PLXDC2: variants seen among roughly 807,000 people sequenced by gnomAD.
PLXDC2 encodes plexin domain containing 2.
Under a neutral mutation model 68.9 loss-of-function variants are expected in PLXDC2, and 40 were observed. The observed-to-expected ratio is 0.58, with a 90% CI of 0.45 to 0.76. The LOEUF (loss-of-function observed/expected upper bound fraction) is 0.76, where lower values mean the gene tolerates loss of function less well. Among genes scored for constraint, PLXDC2 ranks in the 30% least tolerant of loss-of-function variants. PLXDC2 has a pLI of 0.00. For synonymous variants in PLXDC2, 243 were observed against 234.2 expected (o/e 1.04, Z -0.34); for missense variants, 644 against 661.9 (o/e 0.97, Z 0.30).
At position 19,897,093 on chromosome 10, in the gene PLXDC2, T is replaced by C. The variant is rs1426447562; in HGVS notation, c.112+79902T>C. ...GTTTCTGCCCTCAGGAGTTTTACAC[T>C]CTTTTCTTATCAGCAAAGCTCTTTT... On this transcript the variant is annotated intron_variant, in intron 1 of 13. Coordinates refer to ENST00000377252, the MANE Select transcript of PLXDC2 (RefSeq NM_032812.9). Among the ~76,000 whole-genome samples, 4 of 152,230 alleles carry C rather than the reference T, an allele frequency of 2.6e-5. No homozygotes were observed. In the South Asian group the frequency reaches 8.3e-4, roughly 31 times the overall value.
intron 1 of PLXDC2, among the ~76,000 whole-genome samples, chr10:19,941,036 G>A (rs539952038): frequency 4.6e-5 from 7 of 152,244 alleles, no homozygotes; most frequent in Non-Finnish European, 1.0e-4. Flanking sequence ...ATTCAAATAG[G>A]ATTTGATTAA....
At chr10:19,997,044 G>A (rs1407826816) in intron 1 of PLXDC2, among the ~76,000 whole-genome samples, 1 of 152,146 alleles carries the variant, frequency 6.6e-6, no homozygotes, top group Non-Finnish European at 1.5e-5. Flanking sequence ...TAGAATATGA[G>A]GCAAAGTTCA....
chr10:20,121,049 G>C (rs1183398302), intron 4 of PLXDC2, among the ~76,000 whole-genome samples: 1 of 152,196 alleles, frequency 6.6e-6, no homozygotes, highest in Admixed American at 6.5e-5. Flanking sequence ...TGGGAGGCCG[G>C]ATTGAAGTCC....
intron 1 of PLXDC2, among the ~76,000 whole-genome samples, chr10:19,821,023 C>T (rs546021920): frequency 2.0e-5 from 3 of 151,978 alleles, no homozygotes; most frequent in African/African-American, 7.2e-5. Flanking sequence ...GAGATAGCAG[C>T]GAGCCGAGAT....
chr10:19,959,541 A>G (rs949824737), intron 1 of PLXDC2, among the ~76,000 whole-genome samples: 8 of 152,340 alleles, frequency 5.3e-5, no homozygotes, highest in Non-Finnish European at 8.8e-5. Flanking sequence ...TTAAGAGTTC[A>G]TATCTTAATT....
In PLXDC2 at chr10:19,899,822, T is replaced by C. The variant is rs193081761; in HGVS notation, c.112+82631T>C. 3.0e-4 allele frequency among the ~76,000 whole-genome samples: 45 copies of C among 152,256 alleles called. No individual in the cohort carries two copies. In the East Asian group the frequency reaches 6.6e-3, roughly 22 times the overall value. On this transcript the variant is annotated intron_variant, in intron 1 of 13. Coordinates refer to ENST00000377252, the MANE Select transcript of PLXDC2 (RefSeq NM_032812.9). ...ACCTTTATGTGTTCATGATATGAAA[T>C]GGGTTAATTTGAGTATTTTTTATTA...
chr10:19,875,112 C>T (rs1460290478), intron 1 of PLXDC2, among the ~76,000 whole-genome samples: 1 of 152,160 alleles, frequency 6.6e-6, no homozygotes, highest in East Asian at 1.9e-4. Flanking sequence ...GCATGCAAAG[C>T]AGTTCGTAGG....
intron 3 of PLXDC2, 38 bp from the exon 4 acceptor site, chr10:20,068,132 A>G: frequency 1.3e-6 from 2 of 1,540,716 alleles, no homozygotes; most frequent in Non-Finnish European, 1.8e-6. Flanking sequence ...ACTATGCTAC[A>G]CATTATTGAT....
intron 1 of PLXDC2, among the ~76,000 whole-genome samples, chr10:19,988,887 C>T (rs1012502695): frequency 6.8e-6 from 1 of 147,200 alleles, no homozygotes; most frequent in Non-Finnish European, 1.5e-5. Context: ...CCTCCGCCTC[C>T]CCCGTTCAGG....
chr10:20,225,884 TAAG>T (rs1835279559), intron 12 of PLXDC2, among the ~76,000 whole-genome samples: 1 of 152,204 alleles, frequency 6.6e-6, no homozygotes, highest in East Asian at 1.9e-4. Context: ...GCATAAATAT[TAAG>T]AACCCTCAGA....
chr10:20,137,316 C>G (rs749532787), intron 4 of PLXDC2, among the ~76,000 whole-genome samples: 11 of 152,190 alleles, frequency 7.2e-5, no homozygotes, highest in Non-Finnish European at 1.3e-4. Context: ...ATGATATTGA[C>G]TGTTACACTC....
chr10:19,831,785 C>T (rs935629203), intron 1 of PLXDC2, among the ~76,000 whole-genome samples: 1 of 152,144 alleles, frequency 6.6e-6, no homozygotes, highest in South Asian at 2.1e-4. Flanking sequence ...GCATAATATT[C>T]CCTAGTGTAT....
At chr10:20,018,159 C>T (rs1054538829) in intron 2 of PLXDC2, among the ~76,000 whole-genome samples, 4 of 152,150 alleles carry the variant, frequency 2.6e-5, no homozygotes, top group Admixed American at 6.5e-5. Context: ...CTCCAGTGGG[C>T]CCCCAGTTGC....
chr10:20,132,830 A>G (rs1050254909), intron 4 of PLXDC2, among the ~76,000 whole-genome samples: 2 of 151,670 alleles, frequency 1.3e-5, no homozygotes, highest in Non-Finnish European at 2.9e-5. Flanking sequence ...TAATCCATAC[A>G]TTTAAAGTAA....
rs755695818 is a variant in PLXDC2, at chr10:19,817,243, TC to T, written c.112+53del. ...GATTTTGTGCGCAGCTGAAGACCTC[TC>T]TGGCACTCTCGTGCTCCCTACCCTC... On this transcript the variant is annotated intron_variant, in intron 1 of 13. Coordinates refer to ENST00000377252, the MANE Select transcript of PLXDC2 (RefSeq NM_032812.9). The T allele has an allele frequency of 1.8e-5, 25 of 1,412,324 alleles. 1 individual carries two copies. The South Asian group carries it at 3.1e-4, about 17-fold the overall frequency. The allele number at this position is 1,412,324 out of a possible 1,614,324, so 87.5% of individuals were successfully genotyped here.
intron 1 of PLXDC2, among the ~76,000 whole-genome samples, chr10:19,928,914 C>G (rs974166032): frequency 6.6e-6 from 1 of 151,708 alleles, no homozygotes; most frequent in Admixed American, 6.6e-5. Flanking sequence ...GCCACCATGT[C>G]CAGCTAATTT....
At chr10:20,073,737 G>T (rs1019289708) in intron 4 of PLXDC2, among the ~76,000 whole-genome samples, 2 of 152,040 alleles carry the variant, frequency 1.3e-5, no homozygotes, top group African/African-American at 4.8e-5. Context: ...CATCAAAACA[G>T]TTTCATTAGT....
chr10:19,983,867 G>C (rs1834593888), intron 1 of PLXDC2, among the ~76,000 whole-genome samples: 1 of 152,126 alleles, frequency 6.6e-6, no homozygotes, highest in Non-Finnish European at 1.5e-5. Flanking sequence ...CCTCAGGTGA[G>C]TCCTGGGCAT....
rs201792362 is a variant in PLXDC2, at chr10:20,126,817, C to CATA, written c.542-16477_542-16475dup. ...ACACACGTTATATATGTATATATAACATATATGTGTATATATAATATATGA... is the reference window on the plus strand; with the variant it reads ...ACACACGTTATATATGTATATATAACATAATATATGTGTATATATAATATATGA... On this transcript the variant is annotated intron_variant, in intron 4 of 13. Coordinates refer to ENST00000377252, the MANE Select transcript of PLXDC2 (RefSeq NM_032812.9). 3.1e-4 allele frequency among the ~76,000 whole-genome samples: 42 copies of CATA among 136,434 alleles called. 3 individuals are homozygous for CATA. Among genetic ancestry groups the CATA allele is most frequent in the South Asian group, 1.5e-3 (6 of 3,958 alleles). The allele number at this position is 136,434 out of a possible 152,430, so 89.5% of individuals were successfully genotyped here.
Sources: gnomAD v4.1 joint callset for allele counts (sites outside exome capture counted in the v4.1 genomes callset) on GRCh38, gnomAD v4.1.1 for gene constraint, MANE v1.5 for transcripts, NCBI Gene and HGNC (gene_info 2026-07-23, HGNC 2026-07-21) for gene names.